LRRC4C: variants seen among roughly 807,000 people sequenced by gnomAD.
LRRC4C encodes the protein leucine-rich repeat-containing protein 4C.
Under a neutral mutation model 33.6 loss-of-function variants are expected in LRRC4C, and 5 were observed. The observed-to-expected ratio is 0.15, with a 90% CI of 0.08 to 0.31. The LOEUF is 0.31. Ranked by LOEUF, LRRC4C falls within the 10% of genes least tolerant of loss-of-function variation. LRRC4C has a pLI of 1.00. For synonymous variants in LRRC4C, 329 were observed against 302.0 expected (o/e 1.09, Z -0.93); for missense variants, 560 against 796.7 (o/e 0.70, Z 3.58).
chr11:41,379,607 C>G (rs796180742), intron 1 of LRRC4C, among the ~76,000 whole-genome samples: 1 of 152,004 alleles, frequency 6.6e-6, no homozygotes, highest in South Asian at 2.1e-4. Flanking sequence ...CCTTCCCTAG[C>G]CTTGAGCCTA....
chr11:40,261,485 G>A (rs539259230), intron 4 of LRRC4C, among the ~76,000 whole-genome samples: 25 of 152,258 alleles, frequency 1.6e-4, no homozygotes, highest in African/African-American at 5.8e-4. Flanking sequence ...GCAAATATGT[G>A]TGATTTTATA....
At chr11:41,390,983 T>TAAAA (rs35303507) in intron 1 of LRRC4C, among the ~76,000 whole-genome samples, 1 of 139,826 alleles carries the variant, frequency 7.2e-6, no homozygotes. Context: ...TTGCTTTAAT[T>TAAAA]AAAAAAAAAA....
intron 1 of LRRC4C, among the ~76,000 whole-genome samples, chr11:41,396,735 A>C (rs1953833334): frequency 6.6e-6 from 1 of 152,038 alleles, no homozygotes; most frequent in Middle Eastern, 3.2e-3. Context: ...AAAATGACAA[A>C]CACCCTGGAA....
intron 1 of LRRC4C, among the ~76,000 whole-genome samples, chr11:41,059,527 G>A (rs1271934368): frequency 6.6e-6 from 1 of 151,998 alleles, no homozygotes; most frequent in Non-Finnish European, 1.5e-5. Context: ...ATGACATTTT[G>A]TGTCTTTTTA....
chr11:40,578,141 G>GTT (rs1360920903), intron 3 of LRRC4C, among the ~76,000 whole-genome samples: 4 of 50,134 alleles, frequency 8.0e-5, no homozygotes, highest in Non-Finnish European at 1.5e-4. Flanking sequence ...TTTTTTTTCG[G>GTT]TTTTTTTTTT....
chr11:40,927,249 C>A (rs1343916900), intron 2 of LRRC4C, among the ~76,000 whole-genome samples: 3 of 151,928 alleles, frequency 2.0e-5, no homozygotes, highest in Non-Finnish European at 4.4e-5. Flanking sequence ...TGGTGCGCAC[C>A]TACAATCTCA....
chr11:41,056,235 C>T (rs1230144201), intron 1 of LRRC4C, among the ~76,000 whole-genome samples: 3 of 152,100 alleles, frequency 2.0e-5, no homozygotes, highest in Non-Finnish European at 4.4e-5. Context: ...AATATGACTC[C>T]AGCCCTCACA....
chr11:40,846,385 T>A (rs1245172051), intron 2 of LRRC4C, among the ~76,000 whole-genome samples: 2 of 152,078 alleles, frequency 1.3e-5, no homozygotes, highest in Admixed American at 6.6e-5. Flanking sequence ...CCAGTTTCAG[T>A]TTTCTGCATA....
At chr11:40,438,671 A>C (rs903031248) in intron 3 of LRRC4C, among the ~76,000 whole-genome samples, 3 of 152,192 alleles carry the variant, frequency 2.0e-5, no homozygotes, top group African/African-American at 4.8e-5. Context: ...ACAGTATGTT[A>C]ATGAGAGATG....
chr11:41,245,288 C>G (rs374840039), intron 1 of LRRC4C, among the ~76,000 whole-genome samples: 1 of 152,178 alleles, frequency 6.6e-6, no homozygotes, highest in East Asian at 1.9e-4. Context: ...GCCTGGCAGG[C>G]TGCACGCAGT....
intron 2 of LRRC4C, among the ~76,000 whole-genome samples, chr11:40,757,646 T>C (rs1035910533): frequency 6.6e-6 from 1 of 151,736 alleles, no homozygotes; most frequent in African/African-American, 2.4e-5. Context: ...TGTTGTCTTC[T>C]GCTAGAAGTT....
chr11:40,124,725 A>G, intron 6 of LRRC4C, among the ~76,000 whole-genome samples: 1 of 152,298 alleles, frequency 6.6e-6, no homozygotes, highest in African/African-American at 2.4e-5. Flanking sequence ...GGTTAGACAC[A>G]ATTAATATGA....
intron 1 of LRRC4C, among the ~76,000 whole-genome samples, chr11:41,387,058 G>A (rs975584596): frequency 5.9e-5 from 9 of 151,656 alleles, no homozygotes; most frequent in African/African-American, 9.7e-5. Flanking sequence ...TAGCCTGATC[G>A]TATTGTTTTG....
chr11:40,557,993 C>T (rs1480757910), intron 3 of LRRC4C, among the ~76,000 whole-genome samples: 3 of 152,086 alleles, frequency 2.0e-5, no homozygotes, highest in Non-Finnish European at 4.4e-5. Context: ...GCAGAGTATA[C>T]TAGGGCAACA....
At chr11:41,300,816 T>A (rs1327155510) in intron 1 of LRRC4C, among the ~76,000 whole-genome samples, 1 of 152,124 alleles carries the variant, frequency 6.6e-6, no homozygotes, top group East Asian at 1.9e-4. Context: ...CCCCAGTATA[T>A]CACTGTTTCT....
chr11:41,071,179 C>T (rs1037752177), intron 1 of LRRC4C, among the ~76,000 whole-genome samples: 8 of 152,070 alleles, frequency 5.3e-5, no homozygotes, highest in African/African-American at 1.7e-4. Flanking sequence ...CATGTTCTCA[C>T]TCATGTTAGA....
chr11:40,435,910 TC>T (rs1951120785), intron 3 of LRRC4C, among the ~76,000 whole-genome samples: 1 of 152,154 alleles, frequency 6.6e-6, no homozygotes, highest in Non-Finnish European at 1.5e-5. Flanking sequence ...CTTTCTGTGC[TC>T]CTCTGAGCTA....
intron 1 of LRRC4C, among the ~76,000 whole-genome samples, chr11:40,996,531 T>C (rs1853985581): frequency 6.6e-6 from 1 of 152,178 alleles, no homozygotes; most frequent in African/African-American, 2.4e-5. Flanking sequence ...TTGATGGTAC[T>C]ATTCCTTGGA....
chr11:41,118,639 CTCTT>C, intron 1 of LRRC4C, among the ~76,000 whole-genome samples: 1 of 152,304 alleles, frequency 6.6e-6, no homozygotes, highest in South Asian at 2.1e-4. Flanking sequence ...TAGCTTCTCT[CTCTT>C]CTCTGAAAAG....
Sources: allele counts gnomAD v4.1 joint callset (sites outside exome capture counted in the v4.1 genomes callset), GRCh38; gene constraint gnomAD v4.1.1; transcripts MANE v1.5; gene names NCBI Gene and HGNC (gene_info 2026-07-23, HGNC 2026-07-21).